Variants in HMGXB4 observed in about 807,000 individuals in gnomAD.
HMGXB4 encodes the protein HMG-box containing 4, also known as HMG domain-containing protein 4.
A neutral mutation model predicts 63.9 loss-of-function variants in HMGXB4; 27 were observed. The ratio of observed to expected loss-of-function variants is 0.42; its 90% confidence interval spans 0.31 to 0.58. The LOEUF is 0.58. Among genes scored for constraint, HMGXB4 ranks in the 20% least tolerant of loss-of-function variants. HMGXB4 has a pLI of 0.13. For synonymous variants in HMGXB4, 264 were observed against 265.3 expected (o/e 0.99, Z 0.05); for missense variants, 624 against 700.7 (o/e 0.89, Z 1.24).
intron 5 of HMGXB4, among the ~76,000 whole-genome samples, chr22:35,270,284 A>G (rs1923528387): frequency 1.3e-5 from 2 of 152,156 alleles, no homozygotes; most frequent in Non-Finnish European, 2.9e-5. Context: ...CACAAACCCC[A>G]GCAGGTTCCT....
upstream of HMGXB4, among the ~76,000 whole-genome samples, chr22:35,253,982 C>G (rs1922294331): frequency 6.6e-6 from 1 of 152,190 alleles, no homozygotes; most frequent in South Asian, 2.1e-4. Flanking sequence ...CCTGTCACTT[C>G]TAGCAAAAGG....
At chr22:35,248,606 C>T in the HMGXB4 span, among the ~76,000 whole-genome samples, 7 of 151,982 alleles carry the variant, frequency 4.6e-5, no homozygotes, top group East Asian at 7.7e-4. Flanking sequence ...GGTTTCACCA[C>T]GTTGCCCAGG....
At chr22:35,267,913 G>A (rs370392108) in intron 5 of HMGXB4, among the ~76,000 whole-genome samples, 5 of 152,256 alleles carry the variant, frequency 3.3e-5, no homozygotes, top group African/African-American at 1.2e-4. Context: ...ACTTCAGTTT[G>A]CATATCATTA....
chr22:35,265,491 A>G lies in HMGXB4; in HGVS notation c.1103A>G (p.Tyr368Cys), dbSNP rs766118403. ...TCTGGCCCTCCTCCCAGCATCCCAT[A>G]CGCTGGAGCAGCAGCACCTCCCCTG... is the stretch of plus-strand genomic sequence containing the variant. ...VTSGPPPSIP[Y>C]AGAAAPPLPL... Residue 368 changes from tyrosine (Y) to cysteine (C), a missense_variant, in exon 5 of 11, where the codon TAC (tyrosine) becomes TGC (cysteine). By Grantham distance (194) the Tyr-to-Cys change is radical (BLOSUM62 -2). This residue lies in a region of HMGXB4 where 472 missense variants were observed against 470.6 expected (regional missense o/e 1.00). Coordinates refer to ENST00000216106, the MANE Select transcript of HMGXB4 (RefSeq NM_001003681.3). 12 of 1,613,890 alleles carry G rather than the reference A, an allele frequency of 7.4e-6. No homozygotes were observed. The highest frequency in any genetic ancestry group is 1.0e-5 in the Non-Finnish European group (12 of 1,179,956).
At chr22:35,256,673 G>A (rs1320335366), upstream of HMGXB4, among the ~76,000 whole-genome samples, 1 of 151,964 alleles carries the variant, frequency 6.6e-6, no homozygotes, top group Non-Finnish European at 1.5e-5. Context: ...CTAATTTTTT[G>A]TATTTTTAGT....
chr22:35,284,477 T>A (rs1044514614), intron 6 of HMGXB4, among the ~76,000 whole-genome samples: 1 of 152,214 alleles, frequency 6.6e-6, no homozygotes, highest in Non-Finnish European at 1.5e-5. Context: ...AAAATGCATT[T>A]AATACACCTA....
chr22:35,275,757 T>G (rs1923877960), intron 5 of HMGXB4, among the ~76,000 whole-genome samples: 1 of 152,176 alleles, frequency 6.6e-6, no homozygotes, highest in African/African-American at 2.4e-5. Context: ...AAGTTACTTT[T>G]TGAATATTCT....
chr22:35,262,300 G>A (rs1164774541), intron 1 of HMGXB4, 23 bp from the exon 2 acceptor site: 3 of 1,320,930 alleles, frequency 2.3e-6, no homozygotes, highest in African/African-American at 1.4e-5. Context: ...ATTACAGGAG[G>A]GTTTTCCTTC....
chr22:35,245,193 T>G, the HMGXB4 span, among the ~76,000 whole-genome samples: 132 of 152,206 alleles, frequency 8.7e-4, 1 homozygote, highest in African/African-American at 3.1e-3. Flanking sequence ...TTTTCTAATA[T>G]TCCGTCTTCA....
intron 5 of HMGXB4, among the ~76,000 whole-genome samples, chr22:35,275,389 G>T (rs1923851790): frequency 6.6e-6 from 1 of 151,874 alleles, no homozygotes; most frequent in Non-Finnish European, 1.5e-5. Flanking sequence ...CAAAGTGCTG[G>T]GATTACAGGC....
chr22:35,247,097 G>A, the HMGXB4 span, among the ~76,000 whole-genome samples: 5 of 152,232 alleles, frequency 3.3e-5, no homozygotes, highest in East Asian at 9.7e-4. Context: ...CATGCCTGGT[G>A]ATTTTTTTAT....
intron 5 of HMGXB4, among the ~76,000 whole-genome samples, chr22:35,280,219 G>A (rs1924161441): frequency 6.6e-6 from 1 of 152,066 alleles, no homozygotes; most frequent in Admixed American, 6.6e-5. Context: ...GGGGTCTTGG[G>A]GGCCATCTTA....
At chr22:35,263,350 C>A in intron 3 of HMGXB4, 124 bp downstream of exon 3, 2 of 722,544 alleles carry the variant, frequency 2.8e-6, no homozygotes, top group Non-Finnish European at 4.4e-6. Context: ...ATGGCACAAT[C>A]TCTGCTCACT....
chr22:35,258,878 T>G (rs1306966508), intron 1 of HMGXB4, among the ~76,000 whole-genome samples: 1 of 152,252 alleles, frequency 6.6e-6, no homozygotes, highest in Non-Finnish European at 1.5e-5. Flanking sequence ...TCTCTTACTG[T>G]CCGTGTGACG....
At chr22:35,280,795 G>T (rs531366487) in intron 5 of HMGXB4, among the ~76,000 whole-genome samples, 45 of 151,980 alleles carry the variant, frequency 3.0e-4, no homozygotes, top group Non-Finnish European at 1.2e-4. Flanking sequence ...TGTTTCCTCT[G>T]CCTAGAACAC....
At chr22:35,276,850 T>G (rs2235150) in intron 5 of HMGXB4, among the ~76,000 whole-genome samples, 77,841 of 152,090 alleles carry the variant, frequency 0.51, 22,833 homozygotes, top group Non-Finnish European at 0.65. Context: ...AAAATAAAGG[T>G]CTTGCTGCTA....
At position 35,293,051 on chromosome 22, in the gene HMGXB4, T is replaced by G. The variant is rs372584139; in HGVS notation, c.1698T>G (p.Leu566=). 1 of 1,614,236 alleles carries G rather than the reference T, an allele frequency of 6.2e-7. No individual in the cohort carries two copies. Among genetic ancestry groups the G allele is most frequent in the Non-Finnish European group, 8.5e-7 (1 of 1,180,024 alleles). The stretch of plus-strand genomic sequence containing the variant: ...TTCTGGATTCCATTATCTGTGCCCT[T>G]GGCCCCTTGGCATGTCTCACCACAC... ...SVLLDSIICA[L]GPLACLTTQL... Residue 566 remains leucine, a synonymous_variant, in exon 10 of 11, where the codon CTT becomes CTG. Transcript: ENST00000216106.
chr22:35,283,415 C>G (rs1267396301), intron 5 of HMGXB4, among the ~76,000 whole-genome samples: 1 of 152,148 alleles, frequency 6.6e-6, no homozygotes, highest in Non-Finnish European at 1.5e-5. Flanking sequence ...AAGGTCTTTA[C>G]AAGTAATTTA....
chr22:35,247,594 C>T, the HMGXB4 span, among the ~76,000 whole-genome samples: 1 of 152,092 alleles, frequency 6.6e-6, no homozygotes, highest in Non-Finnish European at 1.5e-5. Context: ...TACCATGGGG[C>T]TCCAAAGAGA....
Sources: gnomAD v4.1 joint callset for allele counts (sites outside exome capture counted in the v4.1 genomes callset) on GRCh38, gnomAD v4.1.1 for gene constraint, gnomAD v4.1.1 regional missense constraint, MANE v1.5 for transcripts, NCBI Gene and HGNC (gene_info 2026-07-23, HGNC 2026-07-21) for gene names.